Variants in RSU1 observed in about 807,000 individuals in gnomAD.
The protein encoded by RSU1 is Ras suppressor protein 1, also known as rsu-1.
In RSU1, 26 loss-of-function variants were observed where a neutral mutation model predicts 31.1. The observed-to-expected ratio is 0.84, with a 90% CI of 0.61 to 1.16. RSU1 has a LOEUF of 1.16. Among genes scored for constraint, RSU1 ranks in the 50% most tolerant of loss-of-function variants. The probability of loss-of-function intolerance (pLI) is 0.00; values close to 1 mark genes in which losing one functional copy is unlikely to be tolerated. For missense variants in RSU1, 320 were observed against 339.1 expected, an observed-to-expected ratio of 0.94 and a Z score of 0.44; for synonymous variants, 164 against 136.3, an observed-to-expected ratio of 1.20 and a Z score of -1.41.
At chr10:16,635,691 T>G (rs1417551700) in intron 8 of RSU1, among the ~76,000 whole-genome samples, 2 of 152,228 alleles carry the variant, frequency 1.3e-5, no homozygotes, top group Non-Finnish European at 2.9e-5. Flanking sequence ...CTGCCTTTCT[T>G]AAAAACACCA....
At chr10:16,731,621 G>T (rs1434908818) in intron 7 of RSU1, among the ~76,000 whole-genome samples, 1 of 152,106 alleles carries the variant, frequency 6.6e-6, no homozygotes, top group Non-Finnish European at 1.5e-5. Flanking sequence ...CAACAGCAAT[G>T]CATGAAAATG....
intron 2 of RSU1, among the ~76,000 whole-genome samples, chr10:16,805,236 T>TATTG (rs1164370495): frequency 4.6e-5 from 7 of 151,902 alleles, no homozygotes; most frequent in African/African-American, 1.7e-4. Context: ...AACGCATCAA[T>TATTG]ATTGGTCCAG....
chr10:16,644,684 G>A (rs141572976), intron 8 of RSU1, among the ~76,000 whole-genome samples: 84 of 152,258 alleles, frequency 5.5e-4, no homozygotes, highest in African/African-American at 1.9e-3. Context: ...AAATGGATCT[G>A]CAGAAAGAAG....
chr10:16,757,784 AG>A (rs1335580254), intron 4 of RSU1, among the ~76,000 whole-genome samples: 3 of 152,238 alleles, frequency 2.0e-5, no homozygotes, highest in Non-Finnish European at 4.4e-5. Flanking sequence ...TGCAAGTCAA[AG>A]GAAGGACAGC....
intron 4 of RSU1, among the ~76,000 whole-genome samples, chr10:16,763,893 T>C (rs1224607079): frequency 6.6e-6 from 1 of 152,212 alleles, no homozygotes; most frequent in Non-Finnish European, 1.5e-5. Flanking sequence ...AACTCCTCTC[T>C]TCACCTTTGC....
chr10:16,694,879 G>A (rs563171409), intron 8 of RSU1, 144 bp downstream of exon 8: 20 of 743,844 alleles, frequency 2.7e-5, no homozygotes, highest in Admixed American at 1.5e-4. Flanking sequence ...ACACCTGGCC[G>A]ACATGCAGTT....
chr10:16,699,585 G>T (rs1012740461), intron 7 of RSU1, among the ~76,000 whole-genome samples: 1 of 152,224 alleles, frequency 6.6e-6, no homozygotes, highest in Non-Finnish European at 1.5e-5. Context: ...GTTGAGTTAG[G>T]AGCCCTCACC....
intron 8 of RSU1, among the ~76,000 whole-genome samples, chr10:16,596,222 T>C (rs1833609931): frequency 6.6e-6 from 1 of 152,110 alleles, no homozygotes; most frequent in Non-Finnish European, 1.5e-5. Context: ...GGGAGTATGT[T>C]ACCTTACATG....
In RSU1 at chr10:16,817,382, C is replaced by T; in HGVS notation, c.-71G>A. On this transcript the variant is annotated 5_prime_UTR_variant, in exon 1 of 9. Transcript: ENST00000345264. ...CTTCGGCAGAACGCACTCCAGCTGC[C>T]CTCACTCCCTGCAACACCGGCACTG... is the stretch of plus-strand genomic sequence containing the variant. 5.5e-6 allele frequency: 2 copies of T among 366,850 alleles called. No individual in the cohort carries two copies. Among genetic ancestry groups the T allele is most frequent in the South Asian group, 3.0e-5 (1 of 33,210 alleles). 22.7% of individuals were successfully genotyped at this position (366,850 alleles called of 1,614,324 possible).
chr10:16,779,980 T>C (rs747863952), intron 3 of RSU1, among the ~76,000 whole-genome samples: 10 of 152,016 alleles, frequency 6.6e-5, no homozygotes, highest in Non-Finnish European at 1.0e-4. Context: ...CAAGAGTGTC[T>C]CAAATGGAGT....
intron 8 of RSU1, among the ~76,000 whole-genome samples, chr10:16,661,694 A>T (rs1310368555): frequency 6.6e-6 from 1 of 152,158 alleles, no homozygotes; most frequent in Non-Finnish European, 1.5e-5. Flanking sequence ...CTGAGGGGGT[A>T]GCCCCTTTGA....
At chr10:16,668,986 C>T (rs1477258137) in intron 8 of RSU1, among the ~76,000 whole-genome samples, 2 of 152,168 alleles carry the variant, frequency 1.3e-5, no homozygotes, top group Non-Finnish European at 2.9e-5. Flanking sequence ...TGTTCATTCA[C>T]CAAGAGGTGG....
intron 2 of RSU1, among the ~76,000 whole-genome samples, chr10:16,792,869 G>A (rs1837954639): frequency 6.6e-6 from 1 of 152,204 alleles, no homozygotes. Flanking sequence ...CAGGAATGTG[G>A]AAGCTGGCCA....
chr10:16,727,481 A>G (rs1301845787), intron 7 of RSU1, among the ~76,000 whole-genome samples: 1 of 152,166 alleles, frequency 6.6e-6, no homozygotes, highest in Non-Finnish European at 1.5e-5. Context: ...GCCGCTACCA[A>G]TATGCAAGTA....
At chr10:16,762,331 T>TATA (rs1166847291) in intron 4 of RSU1, among the ~76,000 whole-genome samples, 1 of 151,316 alleles carries the variant, frequency 6.6e-6, no homozygotes, top group Non-Finnish European at 1.5e-5. Context: ...AATGTGTACA[T>TATA]ATATTTCATT....
chr10:16,758,720 A>T (rs749656842), intron 4 of RSU1, among the ~76,000 whole-genome samples: 1 of 152,206 alleles, frequency 6.6e-6, no homozygotes, highest in Non-Finnish European at 1.5e-5. Context: ...AGCTGTTGCT[A>T]GAATTATTTT....
At position 16,609,098 on chromosome 10, in the gene RSU1, C is replaced by T. The variant is rs539821114; in HGVS notation, c.732-15602G>A. 6.6e-5 allele frequency among the ~76,000 whole-genome samples: 10 copies of T among 152,324 alleles called. 1 individual carries two copies. In the South Asian group the frequency reaches 2.1e-3, roughly 32 times the overall value. On this transcript the variant is annotated intron_variant, in intron 8 of 8. Transcript: ENST00000345264. ...TCCTCCTGCCTTGGCCTGAGACCTC[C>T]TCCTCCTCAGACCTTCTGGGATTAC... is the stretch of plus-strand genomic sequence containing the variant.
intron 8 of RSU1, among the ~76,000 whole-genome samples, chr10:16,656,332 C>T (rs557637273): frequency 4.6e-5 from 7 of 152,158 alleles, no homozygotes; most frequent in Admixed American, 3.9e-4. Flanking sequence ...TCTTATACAT[C>T]GCAACTTGAA....
chr10:16,707,307 G>C (rs186979177), intron 7 of RSU1, among the ~76,000 whole-genome samples: 30 of 152,154 alleles, frequency 2.0e-4, no homozygotes, highest in African/African-American at 5.8e-4. Context: ...TTTTTTGAAG[G>C]ATCTCCATAC....
Sources: gnomAD v4.1 joint callset for allele counts (sites outside exome capture counted in the v4.1 genomes callset) on GRCh38, gnomAD v4.1.1 for gene constraint, MANE v1.5 for transcripts, NCBI Gene and HGNC (gene_info 2026-07-23, HGNC 2026-07-21) for gene names.